LCLAT1: variants seen among roughly 807,000 people sequenced by gnomAD.
The protein encoded by LCLAT1 is 1-AGP acyltransferase 8.
A neutral mutation model predicts 30.7 loss-of-function variants in LCLAT1; 11 were observed. The observed-to-expected ratio is 0.36, with a 90% CI of 0.23 to 0.59. The LOEUF (loss-of-function observed/expected upper bound fraction) is 0.59. Among genes scored for constraint, LCLAT1 ranks in the 20% least tolerant of loss-of-function variants. The probability of loss-of-function intolerance (pLI) is 0.77; values close to 1 mark genes in which losing one functional copy is unlikely to be tolerated. For synonymous variants in LCLAT1, 155 were observed against 151.3 expected (o/e 1.02, Z -0.18); for missense variants, 402 against 458.6 (o/e 0.88, Z 1.13).
chr2:30,512,336 C>G (rs1054395747), intron 1 of LCLAT1, among the ~76,000 whole-genome samples: 1 of 151,928 alleles, frequency 6.6e-6, no homozygotes, highest in Non-Finnish European at 1.5e-5. Flanking sequence ...CCTCATTTTC[C>G]TTATGTTGAT....
intron 1 of LCLAT1, among the ~76,000 whole-genome samples, chr2:30,500,044 A>G (rs1204859500): frequency 6.6e-6 from 1 of 152,208 alleles, no homozygotes; most frequent in Non-Finnish European, 1.5e-5. Context: ...ACTTTTATAT[A>G]AAGCCATTGT....
In LCLAT1 at chr2:30,529,564, G is replaced by A. The variant is rs527723007; in HGVS notation, c.166-3552G>A. 6.6e-5 allele frequency among the ~76,000 whole-genome samples: 10 copies of A among 152,210 alleles called. No homozygotes were observed. In the East Asian group the frequency reaches 1.9e-3, roughly 29 times the overall value. ...TTGCTTCTCAAAATTCTAACTAACC[G>A]ACAGTCTGATTACTACCTGGGATTA... On this transcript the variant is annotated intron_variant, in intron 2 of 5. Transcript: ENST00000379509.
chr2:30,470,940 G>A (rs1260880163), intron 1 of LCLAT1, among the ~76,000 whole-genome samples: 2 of 138,684 alleles, frequency 1.4e-5, no homozygotes, highest in Admixed American at 1.5e-4. Flanking sequence ...TTGAGACAGA[G>A]TTTTGCTCTG....
chr2:30,585,647 T>C (rs1210792650), intron 5 of LCLAT1, among the ~76,000 whole-genome samples: 1 of 152,210 alleles, frequency 6.6e-6, no homozygotes, highest in African/African-American at 2.4e-5. Context: ...TTATGCTTTT[T>C]CCCTATCCAT....
chr2:30,552,682 TTATC>T, intron 3 of LCLAT1: 1 of 273,092 alleles, frequency 3.7e-6, no homozygotes, highest in East Asian at 9.2e-5. Flanking sequence ...TTCCTTAACT[TTATC>T]TATCCAGCAT....
intron 1 of LCLAT1, among the ~76,000 whole-genome samples, chr2:30,487,296 A>T (rs1172681093): frequency 6.6e-6 from 1 of 152,218 alleles, no homozygotes; most frequent in Non-Finnish European, 1.5e-5. Context: ...TGGCAAGTTT[A>T]GTTAACTTCA....
chr2:30,516,331 C>T (rs1436793597), intron 1 of LCLAT1, among the ~76,000 whole-genome samples: 3 of 152,134 alleles, frequency 2.0e-5, no homozygotes, highest in Non-Finnish European at 4.4e-5. Flanking sequence ...CGCCGTCCAC[C>T]ACTGCTGAAC....
At chr2:30,612,318 G>A (rs965639021) in intron 5 of LCLAT1, among the ~76,000 whole-genome samples, 15 of 152,188 alleles carry the variant, frequency 9.9e-5, no homozygotes, top group East Asian at 3.9e-4. Flanking sequence ...TTTATATCAC[G>A]GTTTGAAGGG....
At chr2:30,557,152 TAA>T (rs1429714848) in intron 3 of LCLAT1, among the ~76,000 whole-genome samples, 1 of 152,162 alleles carries the variant, frequency 6.6e-6, no homozygotes, top group Non-Finnish European at 1.5e-5. Flanking sequence ...TTTGGAAAAT[TAA>T]AAAGAGAAAA....
intron 1 of LCLAT1, among the ~76,000 whole-genome samples, chr2:30,495,357 A>T (rs1448430375): frequency 6.6e-6 from 1 of 152,060 alleles, no homozygotes; most frequent in African/African-American, 2.4e-5. Context: ...ATTCTCTCTA[A>T]TCCAAAGCCC....
intron 1 of LCLAT1, among the ~76,000 whole-genome samples, chr2:30,469,574 C>CT (rs199634493): frequency 0.11 from 11,220 of 103,830 alleles, 1,311 homozygotes; most frequent in African/African-American, 0.27. Flanking sequence ...CAGGTCTCTT[C>CT]TTTTTTTTTT....
chr2:30,470,428 A>C (rs1682717373), intron 1 of LCLAT1, among the ~76,000 whole-genome samples: 1 of 152,232 alleles, frequency 6.6e-6, no homozygotes. Flanking sequence ...TATTTTTTAC[A>C]AAGATGGTTT....
At chr2:30,479,352 C>A (rs950461294) in intron 1 of LCLAT1, among the ~76,000 whole-genome samples, 4 of 152,042 alleles carry the variant, frequency 2.6e-5, no homozygotes, top group African/African-American at 9.7e-5. Context: ...GCCTCAGCCT[C>A]CCAAGTAGTT....
chr2:30,511,436 A>G (rs533926738), intron 1 of LCLAT1, among the ~76,000 whole-genome samples: 1 of 152,352 alleles, frequency 6.6e-6, no homozygotes, highest in East Asian at 1.9e-4. Flanking sequence ...AGCTATTTAA[A>G]TTGAAATATA....
chr2:30,528,092 A>C (rs2148388416), intron 2 of LCLAT1, among the ~76,000 whole-genome samples: 1 of 152,324 alleles, frequency 6.6e-6, no homozygotes, highest in East Asian at 1.9e-4. Flanking sequence ...CTCTGGAGGA[A>C]GTCCAGAGCA....
At chr2:30,583,380 A>G (rs1666288860) in intron 5 of LCLAT1, among the ~76,000 whole-genome samples, 1 of 152,232 alleles carries the variant, frequency 6.6e-6, no homozygotes, top group Middle Eastern at 3.2e-3. Context: ...ATAGTGTTCT[A>G]CATCACCACA....
At chr2:30,632,258 C>T (rs899897676) in intron 5 of LCLAT1, among the ~76,000 whole-genome samples, 4 of 152,182 alleles carry the variant, frequency 2.6e-5, no homozygotes, top group African/African-American at 9.7e-5. Context: ...AGATTGAGTA[C>T]TATCCTTGAC....
At chr2:30,565,346 A>G (rs1366372943) in intron 4 of LCLAT1, among the ~76,000 whole-genome samples, 1 of 152,014 alleles carries the variant, frequency 6.6e-6, no homozygotes, top group Non-Finnish European at 1.5e-5. Context: ...TTTTTCTGTT[A>G]AGGTCTTCAT....
chr2:30,521,206 G>T (rs933709131), intron 1 of LCLAT1, among the ~76,000 whole-genome samples: 1 of 152,190 alleles, frequency 6.6e-6, no homozygotes, highest in African/African-American at 2.4e-5. Flanking sequence ...GGTCTAAAAA[G>T]GGAATGCATG....
Sources: gnomAD v4.1 joint callset for allele counts (sites outside exome capture counted in the v4.1 genomes callset) on GRCh38, gnomAD v4.1.1 for gene constraint, MANE v1.5 for transcripts, NCBI Gene and HGNC (gene_info 2026-07-23, HGNC 2026-07-21) for gene names.